INPP4A: variants seen among roughly 807,000 people sequenced by gnomAD.
INPP4A encodes the protein inositol polyphosphate-4-phosphatase type I A, also known as inositol polyphosphate-4-phosphatase, type I, 107kD.
A neutral mutation model predicts 119.8 loss-of-function variants in INPP4A; 33 were observed. That is an observed-to-expected ratio of 0.28 (90% CI 0.21 to 0.37). The LOEUF is 0.37. INPP4A is among the 10% of genes least tolerant of loss of function. INPP4A has a pLI of 1.00. For missense variants in INPP4A, 956 were observed against 1,289.9 expected (o/e 0.74, Z 3.97); for synonymous variants, 496 against 500.7 (o/e 0.99, Z 0.12).
chr2:98,580,489 G>A (rs1699141763), intron 24 of INPP4A, among the ~76,000 whole-genome samples: 1 of 152,254 alleles, frequency 6.6e-6, no homozygotes, highest in Non-Finnish European at 1.5e-5. Context: ...CCACTGGGGT[G>A]TTCCTGTCCC....
In INPP4A at chr2:98,536,152, G is replaced by A. The variant is rs61748140; in HGVS notation, c.411G>A (p.Thr137=). ...AGATGTATTTACTGGGCTCTGGAAC[G>A]TTCATTGTCAAAGATCTGCTCCAGG... ...QGTMYLLGSG[T]FIVKDLLQDR... The change falls in exon 7 of 25, where the codon ACG becomes ACA. Residue 137 remains threonine (T), a synonymous_variant. Transcript: ENST00000409851. The A allele has an allele frequency of 0.012, 18,838 of 1,611,138 alleles. 150 individuals carry two copies. Among genetic ancestry groups the A allele is most frequent in the Middle Eastern group, 0.039 (239 of 6,056 alleles).
At chr2:98,499,224 C>T (rs1044306906) in intron 1 of INPP4A, among the ~76,000 whole-genome samples, 2 of 152,342 alleles carry the variant, frequency 1.3e-5, no homozygotes, top group African/African-American at 2.4e-5. Flanking sequence ...GCTGTGGAGT[C>T]GGGTTGTGAG....
chr2:98,539,442 TC>T, intron 9 of INPP4A, 85 bp from the exon 10 acceptor site: 1 of 1,443,666 alleles, frequency 6.9e-7, no homozygotes, highest in Non-Finnish European at 9.4e-7. Flanking sequence ...GGTGTCACCA[TC>T]CCTGAGGGCC....
At chr2:98,585,128 T>A (rs746388883) in intron 24 of INPP4A, among the ~76,000 whole-genome samples, 21 of 152,202 alleles carry the variant, frequency 1.4e-4, no homozygotes, top group Non-Finnish European at 1.9e-4. Flanking sequence ...TCAACTAGTG[T>A]GACAGTCACT....
At chr2:98,576,492 G>T (rs1236827788) in intron 23 of INPP4A, among the ~76,000 whole-genome samples, 1 of 152,204 alleles carries the variant, frequency 6.6e-6, no homozygotes, top group Non-Finnish European at 1.5e-5. Context: ...CTGTTCAGGT[G>T]AAAGAGGAGA....
chr2:98,510,571 G>C (rs899910863), intron 1 of INPP4A, among the ~76,000 whole-genome samples: 2 of 152,162 alleles, frequency 1.3e-5, no homozygotes, highest in Admixed American at 6.5e-5. Flanking sequence ...CATGACAAAA[G>C]GTGAAGGGCA....
chr2:98,503,349 C>G (rs1683476776), intron 1 of INPP4A, among the ~76,000 whole-genome samples: 1 of 152,222 alleles, frequency 6.6e-6, no homozygotes, highest in African/African-American at 2.4e-5. Flanking sequence ...TAAAGGATCT[C>G]CAGAATTGAC....
At chr2:98,553,176 A>G (rs1693838411) in intron 14 of INPP4A, among the ~76,000 whole-genome samples, 2 of 152,250 alleles carry the variant, frequency 1.3e-5, no homozygotes, top group Admixed American at 1.3e-4. Flanking sequence ...GGCAGAGCCC[A>G]GGGCTCATGA....
intron 17 of INPP4A, among the ~76,000 whole-genome samples, chr2:98,561,020 C>T (rs1695376290): frequency 6.6e-6 from 1 of 152,162 alleles, no homozygotes; most frequent in African/African-American, 2.4e-5. Context: ...GCAAGGAGTT[C>T]TTTTGGCTTT....
At chr2:98,534,655 C>G in intron 5 of INPP4A, among the ~76,000 whole-genome samples, 1 of 152,106 alleles carries the variant, frequency 6.6e-6, no homozygotes, top group East Asian at 1.9e-4. Context: ...GTGAAAGGCA[C>G]AAGTAGGAGA....
intron 10 of INPP4A, among the ~76,000 whole-genome samples, chr2:98,541,759 A>G (rs992908524): frequency 4.6e-5 from 7 of 152,076 alleles, no homozygotes; most frequent in African/African-American, 1.7e-4. Context: ...TAATTTTTTC[A>G]TTTGTTGTAG....
chr2:98,576,766 G>A (rs1005936933), intron 23 of INPP4A, among the ~76,000 whole-genome samples: 1 of 152,230 alleles, frequency 6.6e-6, no homozygotes, highest in South Asian at 2.1e-4. Context: ...CCTACAGGCG[G>A]CAGGCCCCCA....
chr2:98,458,015 T>C (rs951725064), intron 1 of INPP4A, among the ~76,000 whole-genome samples: 22 of 150,766 alleles, frequency 1.5e-4, no homozygotes, highest in African/African-American at 5.1e-4. Flanking sequence ...AATGAGGTCT[T>C]GTTATGTTGC....
chr2:98,577,713 T>C (rs934025140), intron 24 of INPP4A, among the ~76,000 whole-genome samples: 1 of 152,224 alleles, frequency 6.6e-6, no homozygotes, highest in African/African-American at 2.4e-5. Context: ...ACCCTAATGA[T>C]GTTCTGATTC....
chr2:98,553,285 T>C (rs962092616), intron 14 of INPP4A, among the ~76,000 whole-genome samples: 3 of 151,982 alleles, frequency 2.0e-5, no homozygotes, highest in Non-Finnish European at 4.4e-5. Flanking sequence ...AGTAACAGCC[T>C]AACTAGCACT....
chr2:98,497,373 A>G (rs1682210070), intron 1 of INPP4A, among the ~76,000 whole-genome samples: 2 of 152,222 alleles, frequency 1.3e-5, no homozygotes, highest in South Asian at 4.1e-4. Flanking sequence ...CAGAGTTCCT[A>G]TGGGGCACCG....
At chr2:98,491,511 T>G (rs1172226845) in intron 1 of INPP4A, among the ~76,000 whole-genome samples, 1 of 152,218 alleles carries the variant, frequency 6.6e-6, no homozygotes, top group Non-Finnish European at 1.5e-5. Context: ...TGAAAGCTGA[T>G]TACCTGGTGG....
chr2:98,459,639 T>TAGAGAACATAGAGAA (rs1489081862), intron 1 of INPP4A, among the ~76,000 whole-genome samples: 1 of 152,200 alleles, frequency 6.6e-6, no homozygotes, highest in Non-Finnish European at 1.5e-5. Flanking sequence ...CCTGCGAACA[T>TAGAGAACATAGAGAA]CATGGATCTG....
rs188701103 is a variant in INPP4A, at chr2:98,511,152, C to T, written c.-165-7812C>T. On this transcript the variant is annotated intron_variant, in intron 1 of 24. Coordinates refer to ENST00000409851, the MANE Select transcript of INPP4A (RefSeq NM_001134225.2). The stretch of plus-strand genomic sequence containing the variant: ...TGGGCTCACTGCAACCTCCACCTCC[C>T]GGGTTAAAGCGATTCTTCTGCCTCA... Among the ~76,000 whole-genome samples, 25 of 152,200 alleles carry T rather than the reference C, an allele frequency of 1.6e-4. No individual in the cohort carries two copies. In the East Asian group the frequency reaches 3.3e-3, roughly 20 times the overall value.
Sources: gnomAD v4.1 joint callset for allele counts (sites outside exome capture counted in the v4.1 genomes callset) on GRCh38, gnomAD v4.1.1 for gene constraint, MANE v1.5 for transcripts, NCBI Gene and HGNC (gene_info 2026-07-23, HGNC 2026-07-21) for gene names.